Variants in ALDH3A1 observed in about 807,000 individuals in gnomAD.
ALDH3A1 encodes aldehyde dehydrogenase, dimeric NADP-preferring.
ALDH3A1 carries 46 observed loss-of-function variants against 49.9 expected under a neutral mutation model. The observed-to-expected ratio is 0.92, with a 90% confidence interval of 0.73 to 1.18. The LOEUF (loss-of-function observed/expected upper bound fraction) is 1.18, where lower values mean the gene tolerates loss of function less well. Among genes scored for constraint, ALDH3A1 ranks in the 50% most tolerant of loss-of-function variants. ALDH3A1 has a pLI of 0.00. For synonymous variants in ALDH3A1, 269 were observed against 253.3 expected (o/e 1.06, Z -0.59); for missense variants, 592 against 611.8 (o/e 0.97, Z 0.34).
intron 1 of ALDH3A1, among the ~76,000 whole-genome samples, chr17:19,745,948 G>A (rs1253101718): frequency 6.6e-6 from 1 of 152,212 alleles, no homozygotes; most frequent in Non-Finnish European, 1.5e-5. Flanking sequence ...CCGAAAGAAA[G>A]GAGACAGTTT....
intron 1 of ALDH3A1, among the ~76,000 whole-genome samples, chr17:19,747,651 G>T (rs1047571736): frequency 6.6e-6 from 1 of 152,152 alleles, no homozygotes; most frequent in Middle Eastern, 3.4e-3. Context: ...GCACCCAAAT[G>T]GGAGCTGCTG....
chr17:19,738,296 T>TC (rs2086423360), intron 10 of ALDH3A1, 27 bp downstream of exon 10: 1 of 1,613,590 alleles, frequency 6.2e-7, no homozygotes, highest in South Asian at 1.1e-5. Flanking sequence ...CAGCCCGGTC[T>TC]CCCCCACAGC....
intron 6 of ALDH3A1, 87 bp downstream of exon 6, chr17:19,741,005 TC>T: frequency 1.0e-6 from 1 of 987,912 alleles, no homozygotes. Context: ...ATCCAGTGTT[TC>T]CAAATCTGTA....
At chr17:19,740,908 C>T (rs897440958) in intron 6 of ALDH3A1, among the ~76,000 whole-genome samples, 185 bp downstream of exon 6, 1 of 152,210 alleles carries the variant, frequency 6.6e-6, no homozygotes, top group African/African-American at 2.4e-5. Flanking sequence ...TCAAGTGATC[C>T]TCCACTCTCT....
rs919929268 is a variant in ALDH3A1, at chr17:19,743,017, C to T, written c.394+215G>A. 2.0e-6 allele frequency: 3 copies of T among 1,532,118 alleles called. No individual in the cohort carries two copies. In the African/African-American group the frequency reaches 4.1e-5, roughly 21 times the overall value. The allele number at this position is 1,532,118 out of a possible 1,614,324, so 94.9% of individuals were successfully genotyped here. On this transcript the variant is annotated intron_variant, in intron 3 of 10. Coordinates refer to ENST00000225740, the MANE Select transcript of ALDH3A1 (RefSeq NM_000691.5). The surrounding 1 kb of genome is among the most constrained non-coding windows in gnomAD (Gnocchi z 4.4). ...CAACAGGGGTGGGGGAAGGCAGGCCCTCTCTGTATCACCAGGTGTGGACAC... is the reference window on the plus strand; with the variant it reads ...CAACAGGGGTGGGGGAAGGCAGGCCTTCTCTGTATCACCAGGTGTGGACAC...
chr17:19,745,267 A>G, intron 1 of ALDH3A1, 133 bp from the exon 2 acceptor site: 2 of 974,336 alleles, frequency 2.1e-6, no homozygotes, highest in Non-Finnish European at 2.9e-6. Flanking sequence ...TGGAAGGTCC[A>G]CTTTCTGCCT....
intron 1 of ALDH3A1, among the ~76,000 whole-genome samples, chr17:19,746,045 GC>G (rs1455326688): frequency 1.3e-5 from 2 of 152,310 alleles, no homozygotes; most frequent in East Asian, 3.9e-4. Context: ...GTTTGTAGGG[GC>G]TCTCTCTGCA....
intron 1 of ALDH3A1, among the ~76,000 whole-genome samples, chr17:19,746,385 A>T (rs1413658768): frequency 6.6e-6 from 1 of 152,094 alleles, no homozygotes; most frequent in African/African-American, 2.4e-5. Context: ...GGGAGAATGG[A>T]GCCATAATCA....
Position 19,743,630 on chromosome 17 carries a change from G to C in ALDH3A1, c.163-167C>G. On this transcript the variant is annotated intron_variant, in intron 2 of 10. Coordinates refer to ENST00000225740, the MANE Select transcript of ALDH3A1 (RefSeq NM_000691.5). This position sits in a 1 kb window ranked among gnomAD's most constrained non-coding sequence, Gnocchi z 4.4. ...AGGGGAAGCAGAGCCAGGATTAGCC[G>C]TTGGACCTGTGGGTCTGAGAGGACC... is the stretch of plus-strand genomic sequence containing the variant. The C allele has an allele frequency of 7.0e-7, 1 of 1,421,524 alleles. No homozygotes were observed. Among genetic ancestry groups the C allele is most frequent in the East Asian group, 2.6e-5 (1 of 38,760 alleles). 88.1% of individuals were successfully genotyped at this position (1,421,524 alleles called of 1,614,324 possible).
chr17:19,738,548 G>A (rs2086430912), intron 9 of ALDH3A1, 95 bp from the exon 10 acceptor site: 2 of 1,523,240 alleles, frequency 1.3e-6, no homozygotes, highest in Non-Finnish European at 1.8e-6. Context: ...CAGAACCACA[G>A]GGACAGGGAG....
At chr17:19,742,295 A>AAGACCAGCAGCCCCGAAGCC in intron 4 of ALDH3A1, 83 bp from the exon 5 acceptor site, 1 of 1,457,270 alleles carries the variant, frequency 6.9e-7, no homozygotes, top group Middle Eastern at 1.8e-4. Flanking sequence ...TGCAGTGGCC[A>AAGACCAGCAGCCCCGAAGCC]AGACCAGCAG....
intron 3 of ALDH3A1, 128 bp from the exon 4 acceptor site, chr17:19,742,758 C>T (rs1399237639): frequency 6.4e-7 from 1 of 1,550,888 alleles, no homozygotes; most frequent in Non-Finnish European, 8.7e-7. Flanking sequence ...GAGTTGTTAG[C>T]AAACAAGCAC....
At chr17:19,747,538 A>C (rs1035470362) in intron 1 of ALDH3A1, among the ~76,000 whole-genome samples, 1 of 152,212 alleles carries the variant, frequency 6.6e-6, no homozygotes, top group Admixed American at 6.5e-5. Flanking sequence ...GCCACTTGGA[A>C]CTGTGGTCTC....
intron 6 of ALDH3A1, 128 bp from the exon 7 acceptor site, chr17:19,740,605 T>C: frequency 9.4e-7 from 1 of 1,065,978 alleles, no homozygotes; most frequent in Non-Finnish European, 1.4e-6. Context: ...TTTTCTTCTT[T>C]ATGCTTTTTA....
rs764272377 is a variant in ALDH3A1 at position 19,744,670 on chromosome 17, A to C, written c.162+298T>G. On this transcript the variant is annotated intron_variant, in intron 2 of 10. Coordinates refer to ENST00000225740, the MANE Select transcript of ALDH3A1 (RefSeq NM_000691.5). ...AACCAAGTGGTCCTGCGTGGGGCTG[A>C]GGAATGGGGAGGACCAGAAGTTCAG... is the stretch of plus-strand genomic sequence containing the variant. The C allele has an allele frequency of 4.2e-4, 412 of 985,218 alleles. 1 individual carries two copies. The highest frequency in any genetic ancestry group is 4.1e-4 in the Non-Finnish European group (341 of 829,908). The allele number at this position is 985,218 out of a possible 1,614,324, so 61.0% of individuals were successfully genotyped here. A position where few individuals can be genotyped will look rare whatever the true frequency, so the allele number is the denominator to read the frequency against.
chr17:19,744,763 G>C (rs1334431356), intron 2 of ALDH3A1: 2 of 1,368,304 alleles, frequency 1.5e-6, no homozygotes, highest in African/African-American at 3.1e-5. Flanking sequence ...GGGCCAGGAG[G>C]AAAAGGCCAG....
intron 3 of ALDH3A1, chr17:19,742,997 G>A: frequency 6.5e-7 from 1 of 1,530,750 alleles, no homozygotes; most frequent in Non-Finnish European, 8.7e-7. Flanking sequence ...CCCCCCAACA[G>A]GGGTGGGGGA....
rs527899907 is a variant in ALDH3A1 at position 19,748,030 on chromosome 17, C to T, written c.-6+229G>A. 1.4e-5 allele frequency: 3 copies of T among 218,140 alleles called. No individual in the cohort carries two copies. Among genetic ancestry groups the T allele is most frequent in the East Asian group, 9.9e-5 (1 of 10,112 alleles). 13.5% of individuals were successfully genotyped at this position (218,140 alleles called of 1,614,324 possible). A position where few individuals can be genotyped will look rare whatever the true frequency, so the allele number is the denominator to read the frequency against. On this transcript the variant is annotated intron_variant, in intron 1 of 10. Coordinates refer to ENST00000225740, the MANE Select transcript of ALDH3A1 (RefSeq NM_000691.5). The surrounding 1 kb of genome is among the most constrained non-coding windows in gnomAD (Gnocchi z 4.4). ...GACGGCCCATCAGGGCCTCTCACTC[C>T]ACGGCCACCTTGGTGTCCCTGCTCC... is the stretch of plus-strand genomic sequence containing the variant.
chr17:19,742,337 G>T, intron 4 of ALDH3A1, 125 bp from the exon 5 acceptor site: 1 of 1,187,842 alleles, frequency 8.4e-7, no homozygotes, highest in Non-Finnish European at 1.2e-6. Flanking sequence ...CTTGGGCGGG[G>T]GGTAGCAGTA....
Sources: allele counts gnomAD v4.1 joint callset (sites outside exome capture counted in the v4.1 genomes callset), GRCh38; gene constraint gnomAD v4.1.1; non-coding constraint Gnocchi (gnomAD v3.1); transcripts MANE v1.5; gene names NCBI Gene and HGNC (gene_info 2026-07-23, HGNC 2026-07-21).